RGS18: variants seen among roughly 807,000 people sequenced by gnomAD.
The protein encoded by RGS18 is regulator of G protein signaling 18.
RGS18 carries 22 observed loss-of-function variants against 27.6 expected under a neutral mutation model. The observed-to-expected ratio is 0.80, with a 90% confidence interval of 0.57 to 1.14. RGS18 has a LOEUF of 1.14. Ranked by LOEUF, RGS18 falls within the 50% of genes most tolerant of loss-of-function variation. The pLI is 0.00. For missense variants in RGS18, 299 were observed against 269.6 expected (o/e 1.11, Z -0.76); for synonymous variants, 89 against 84.6 (o/e 1.05, Z -0.29).
chr1:192,183,934 A>G (rs560251184), intron 4 of RGS18, among the ~76,000 whole-genome samples: 1 of 151,658 alleles, frequency 6.6e-6, no homozygotes, highest in East Asian at 1.9e-4. Context: ...GCAGAGGGGG[A>G]GCAGTTATCT....
Position 192,184,276 on chromosome 1 carries a change from AC to A in RGS18, c.451-20del, listed in dbSNP as rs764908881. ...ATATAAGCATATTAACTATAATCAC[AC>A]TTTTTTTCTGTTTATCCAGGTTAAC... On this transcript the variant is annotated intron_variant, in intron 4 of 4. Transcript: ENST00000367460. The A allele has an allele frequency of 6.3e-7, 1 of 1,597,670 alleles. No homozygotes were observed.
intron 4 of RGS18, 77 bp downstream of exon 4, chr1:192,181,535 A>C (rs977573889): frequency 1.0e-6 from 1 of 977,118 alleles, no homozygotes; most frequent in Non-Finnish European, 1.4e-6. Context: ...ATTGTGAATT[A>C]TATTTTTCCA....
Position 192,175,922 on chromosome 1 carries a change from C to T in RGS18, c.284-5370C>T, listed in dbSNP as rs79658671. ...AATAGGCACCAAGGGATAATAGAAGCCTAGTATTCATAATGAGCTTCCCCC... is the reference window on the plus strand; with the variant it reads ...AATAGGCACCAAGGGATAATAGAAGTCTAGTATTCATAATGAGCTTCCCCC... On this transcript the variant is annotated intron_variant, in intron 3 of 4. Coordinates refer to ENST00000367460, the MANE Select transcript of RGS18 (RefSeq NM_130782.3). Among the ~76,000 whole-genome samples the T allele has an allele frequency of 9.8e-3, 1,481 of 151,774 alleles. 24 individuals carry two copies. Among genetic ancestry groups the T allele is most frequent in the African/African-American group, 0.034 (1,422 of 41,466 alleles).
chr1:192,177,458 T>C (rs1051022147), intron 3 of RGS18, among the ~76,000 whole-genome samples: 19 of 151,876 alleles, frequency 1.3e-4, no homozygotes, highest in African/African-American at 4.6e-4. Context: ...AATTATTGAG[T>C]TATTTCTCAT....
At position 192,163,372 on chromosome 1, in the gene RGS18, A is replaced by G. The variant is rs940928154; in HGVS notation, c.283+2933A>G. 2.0e-5 allele frequency: 3 copies of G among 152,186 alleles called. No homozygotes were observed. The East Asian group carries it at 5.8e-4, about 29-fold the overall frequency. The allele number at this position is 152,186 out of a possible 1,614,324, so 9.4% of individuals were successfully genotyped here. ...GATTTCTTTCACTTAATGAATTAGT[A>G]TATAATAATTTCATCATACTTTCAT... is the stretch of plus-strand genomic sequence containing the variant. On this transcript the variant is annotated intron_variant, in intron 3 of 4. Coordinates refer to ENST00000367460, the MANE Select transcript of RGS18 (RefSeq NM_130782.3).
Position 192,177,529 on chromosome 1 carries a change from G to A in RGS18, c.284-3763G>A, listed in dbSNP as rs993131674. Among the ~76,000 whole-genome samples the A allele has an allele frequency of 2.0e-5, 3 of 151,702 alleles. No individual in the cohort carries two copies. In the Admixed American group the frequency reaches 2.0e-4, roughly 10 times the overall value. On this transcript the variant is annotated intron_variant, in intron 3 of 4. Transcript: ENST00000367460. ...GGGTCTTCGTCTTATATATGTTACA[G>A]TGTAGCCTGGAAAACAAAAGTTAGC... is the stretch of plus-strand genomic sequence containing the variant.
chr1:192,177,206 G>GTA (rs1388331710), intron 3 of RGS18, among the ~76,000 whole-genome samples: 1 of 151,226 alleles, frequency 6.6e-6, no homozygotes, highest in East Asian at 1.9e-4. Flanking sequence ...AAATAAATTA[G>GTA]TATATTTTTA....
intron 3 of RGS18, among the ~76,000 whole-genome samples, chr1:192,172,199 G>C (rs548627146): frequency 1.2e-4 from 19 of 152,102 alleles, no homozygotes; most frequent in African/African-American, 4.6e-4. Flanking sequence ...TGTTGGGAGG[G>C]GGCACCTAGG....
chr1:192,181,231 A>G (rs1656446515), intron 3 of RGS18, 61 bp from the exon 4 acceptor site: 3 of 921,676 alleles, frequency 3.3e-6, no homozygotes, highest in African/African-American at 1.8e-5. Flanking sequence ...TTTATTATCA[A>G]TCAGTAAATG....
intron 3 of RGS18, among the ~76,000 whole-genome samples, chr1:192,161,077 G>A (rs1656062455): frequency 1.3e-5 from 2 of 152,082 alleles, no homozygotes; most frequent in Admixed American, 1.3e-4. Flanking sequence ...GTCTCAATCT[G>A]CTGACCTGGT....
intron 3 of RGS18, among the ~76,000 whole-genome samples, chr1:192,171,760 C>G (rs1489222546): frequency 6.6e-6 from 1 of 151,868 alleles, no homozygotes; most frequent in Non-Finnish European, 1.5e-5. Flanking sequence ...TTGCTTACAA[C>G]ATTAAAAAAT....
chr1:192,182,567 T>C (rs578188144), intron 4 of RGS18, among the ~76,000 whole-genome samples: 1 of 151,668 alleles, frequency 6.6e-6, no homozygotes, highest in Non-Finnish European at 1.5e-5. Flanking sequence ...TACCAGAATG[T>C]TCATGATGTT....
Position 192,172,884 on chromosome 1 carries a change from A to ATATATAT in RGS18, c.284-8408_284-8407insTATATAT, listed in dbSNP as rs758940898. 5.2e-3 allele frequency among the ~76,000 whole-genome samples: 508 copies of ATATATAT among 97,454 alleles called. 2 individuals are homozygous for ATATATAT. Among genetic ancestry groups the ATATATAT allele is most frequent in the East Asian group, 0.01 (19 of 1,820 alleles). The allele number at this position is 97,454 out of a possible 152,430, so 63.9% of individuals were successfully genotyped here. On this transcript the variant is annotated intron_variant, in intron 3 of 4. Transcript: ENST00000367460. ...ATATGCATATATATATATATATATA[A>ATATATAT]ATATATATATATACACATATGTATA...
At chr1:192,180,801 A>G (rs1161893779) in intron 3 of RGS18, among the ~76,000 whole-genome samples, 1 of 151,642 alleles carries the variant, frequency 6.6e-6, no homozygotes. Context: ...TATAAATACC[A>G]GTGAGTCAGT....
chr1:192,178,533 C>T (rs1387192578), intron 3 of RGS18, among the ~76,000 whole-genome samples: 1 of 151,518 alleles, frequency 6.6e-6, no homozygotes, highest in African/African-American at 2.4e-5. Context: ...AGGAGAATTA[C>T]AGGCAATTCT....
Position 192,158,740 on chromosome 1 carries a change from A to G in RGS18, c.103A>G (p.Lys35Glu). Residue 35 changes from lysine to glutamate, a missense_variant, in exon 1 of 5, where the codon AAA becomes GAA. Physicochemically the swap from Lys to Glu is moderately conservative, Grantham distance 56. Coordinates refer to ENST00000367460, the MANE Select transcript of RGS18 (RefSeq NM_130782.3). ...TGGTTCAGGAAAAGAAGAAACAAGC[A>G]AAGAAGCCAAAATCAGGTAAAATTG... ...IHGSGKEETS[K>E]EAKIRAKEKR... 1 of 1,567,018 alleles carries G rather than the reference A, an allele frequency of 6.4e-7. No individual in the cohort carries two copies. The highest frequency in any genetic ancestry group is 8.6e-7 in the Non-Finnish European group (1 of 1,159,632).
intron 4 of RGS18, 98 bp from the exon 5 acceptor site, chr1:192,184,199 A>G: frequency 9.1e-7 from 1 of 1,095,032 alleles, no homozygotes; most frequent in South Asian, 1.5e-5. Flanking sequence ...TCTAAGCCCA[A>G]GATGCCCACT....
At chr1:192,164,502 A>T (rs1014999490) in intron 3 of RGS18, among the ~76,000 whole-genome samples, 2 of 152,218 alleles carry the variant, frequency 1.3e-5, no homozygotes, top group African/African-American at 4.8e-5. Flanking sequence ...TAACTTTTTT[A>T]AAATTAAAAA....
chr1:192,164,093 G>A (rs756965547), intron 3 of RGS18, among the ~76,000 whole-genome samples: 2 of 151,946 alleles, frequency 1.3e-5, no homozygotes, highest in Non-Finnish European at 2.9e-5. Flanking sequence ...ATGGAAATTT[G>A]GGTATTCAAT....
Sources: gnomAD v4.1 joint callset for allele counts (sites outside exome capture counted in the v4.1 genomes callset) on GRCh38, gnomAD v4.1.1 for gene constraint, MANE v1.5 for transcripts, NCBI Gene and HGNC (gene_info 2026-07-23, HGNC 2026-07-21) for gene names.